Variants in PGAP2 observed in about 807,000 individuals in gnomAD.
The protein encoded by PGAP2 is post-GPI attachment to proteins 2.
A neutral mutation model predicts 33.2 loss-of-function variants in PGAP2; 21 were observed. That is an observed-to-expected ratio of 0.63 (90% confidence interval 0.45 to 0.91). The LOEUF (loss-of-function observed/expected upper bound fraction) is 0.91, where lower values mean the gene tolerates loss of function less well. Ranked by LOEUF, PGAP2 falls within the 40% of genes least tolerant of loss-of-function variation. The pLI is 0.00. For synonymous variants in PGAP2, 161 were observed against 172.9 expected (o/e 0.93, Z 0.54); for missense variants, 345 against 424.0 (o/e 0.81, Z 1.64).
At chr11:3,798,652 T>TTTTTGG (rs2082962446) in intron 1 of PGAP2, among the ~76,000 whole-genome samples, 1 of 97,562 alleles carries the variant, frequency 1.0e-5, no homozygotes, top group Admixed American at 1.1e-4. Context: ...TTTTTTTTTT[T>TTTTTGG]GAGATGGAGT....
At chr11:3,807,326 T>TA (rs1224652362), upstream of PGAP2, among the ~76,000 whole-genome samples, 2,932 of 117,572 alleles carry the variant, frequency 0.025, 136 homozygotes, top group African/African-American at 0.08. Context: ...TTTTTTTTTT[T>TA]AATGGAGTTT....
At chr11:3,814,740 TTTCCTTCTTTTCTTTCTTTCTTTC>T (rs1428912087) in intron 2 of PGAP2, among the ~76,000 whole-genome samples, 45 of 105,066 alleles carry the variant, frequency 4.3e-4, no homozygotes, top group African/African-American at 1.1e-3. Context: ...TCTTTCCTTC[TTTCCTTCTTTTCTTTCTTTCTTTC>T]TTTCTTTCTT....
At chr11:3,810,401 CT>C (rs917560674) in intron 1 of PGAP2, among the ~76,000 whole-genome samples, 2 of 152,196 alleles carry the variant, frequency 1.3e-5, no homozygotes, top group African/African-American at 4.8e-5. Context: ...ACTTTCCCTT[CT>C]GTATACTGTG....
upstream of PGAP2, chr11:3,808,442 C>T: frequency 6.6e-7 from 1 of 1,517,552 alleles, no homozygotes; most frequent in Non-Finnish European, 8.9e-7. Context: ...GAGGACACGC[C>T]AGATTGAGGA....
At chr11:3,824,428 G>T in intron 5 of PGAP2, 52 bp downstream of exon 5, 1 of 1,614,036 alleles carries the variant, frequency 6.2e-7, no homozygotes, top group Non-Finnish European at 8.5e-7. Flanking sequence ...GAAAATCAAG[G>T]ACATCTGTCC....
At chr11:3,815,522 C>G (rs1034446729) in intron 2 of PGAP2, among the ~76,000 whole-genome samples, 1 of 152,152 alleles carries the variant, frequency 6.6e-6, no homozygotes, top group East Asian at 1.9e-4. Context: ...GTTACCCAGG[C>G]TGGTCTCGAA....
chr11:3,810,687 G>A (rs757565268), intron 1 of PGAP2, among the ~76,000 whole-genome samples: 3 of 152,214 alleles, frequency 2.0e-5, no homozygotes. Context: ...CAGGGGGCTT[G>A]GGGTTCTGTC....
At chr11:3,824,963 G>A in intron 5 of PGAP2, 57 bp from the exon 6 acceptor site, 3 of 1,609,786 alleles carry the variant, frequency 1.9e-6, no homozygotes, top group Non-Finnish European at 2.5e-6. Context: ...GCTGAGAGGG[G>A]AGCCCACGCT....
In PGAP2 at chr11:3,824,077, TGTC is replaced by T; in HGVS notation, c.546_548del (p.Val183del). 5 of 1,614,186 alleles carry T rather than the reference TGTC, an allele frequency of 3.1e-6. No individual in the cohort carries two copies. Among genetic ancestry groups the T allele is most frequent in the Non-Finnish European group, 3.4e-6 (4 of 1,180,024 alleles). On this transcript the variant is annotated inframe_deletion, in exon 4 of 7. Transcript: ENST00000278243. ...TCTGCCGCCTCAACTTCGGCCTCAA[TGTC>T]GTGGAGAACCTCGCGTTGCTAGTGC...
intron 1 of PGAP2, chr11:3,797,996 C>T: frequency 6.5e-7 from 1 of 1,539,052 alleles, no homozygotes; most frequent in Non-Finnish European, 8.8e-7. Flanking sequence ...ACTATTCGAC[C>T]CTTTCCTTGC....
chr11:3,817,834 T>C lies in PGAP2; in HGVS notation c.348+299T>C, dbSNP rs1295278967. ...GGGCGAAGCCAGTGGATCACTCGAG[T>C]TCAGTTCGAGACCAGCCTGGGCAAC... On this transcript the variant is annotated intron_variant, in intron 3 of 6. Transcript: ENST00000278243. 7 of 541,462 alleles carry C rather than the reference T, an allele frequency of 1.3e-5. No individual in the cohort carries two copies. In the Admixed American group the frequency reaches 1.3e-4, roughly 10 times the overall value. The allele number at this position is 541,462 out of a possible 1,614,324, so 33.5% of individuals were successfully genotyped here.
chr11:3,815,093 G>A (rs1394900789), intron 2 of PGAP2, among the ~76,000 whole-genome samples: 3 of 149,784 alleles, frequency 2.0e-5, no homozygotes, highest in African/African-American at 5.0e-5. Flanking sequence ...ATGCACCACC[G>A]TGCCTGGCTC....
chr11:3,806,542 G>C (rs549946122), upstream of PGAP2, among the ~76,000 whole-genome samples: 2 of 152,170 alleles, frequency 1.3e-5, no homozygotes. Context: ...TAGACTGGGT[G>C]AATGAACAAA....
At chr11:3,814,792 CTTTCTTTCTTTCTTTCTTTCTCTT>C (rs1400472649) in intron 2 of PGAP2, among the ~76,000 whole-genome samples, 13 of 109,760 alleles carry the variant, frequency 1.2e-4, no homozygotes, top group South Asian at 3.2e-4. Context: ...TTCTTTCTTT[CTTTCTTTCTTTCTTTCTTTCTCTT>C]TCTTTCTTTT....
rs992542223 is a variant in PGAP2, at chr11:3,808,615, C to T, written c.-47C>T. 2.6e-5 allele frequency: 34 copies of T among 1,321,238 alleles called. No homozygotes were observed. In the African/African-American group the frequency reaches 4.9e-4, roughly 19 times the overall value. 81.8% of individuals were successfully genotyped at this position (1,321,238 alleles called of 1,614,324 possible). On this transcript the variant is annotated 5_prime_UTR_variant, in exon 1 of 7. Coordinates refer to ENST00000278243, the MANE Select transcript of PGAP2 (RefSeq NM_014489.4). ...CCCCCGACCCCGGGCCACCTGGGCC[C>T]CCGGGTTCCGCCGGCACTCTCGCCA...
rs928708599 is a variant in PGAP2 at position 3,825,572 on chromosome 11, A to C, written c.*114A>C. ...TCTTGGCCTTACTGAAGATGGGGGA[A>C]GGGTAAGAAGGAAGGGTGTAGGCCA... is the stretch of plus-strand genomic sequence containing the variant. On this transcript the variant is annotated 3_prime_UTR_variant, in exon 7 of 7. Transcript: ENST00000278243. The C allele has an allele frequency of 7.8e-6, 9 of 1,159,240 alleles. No homozygotes were observed. Among genetic ancestry groups the C allele is most frequent in the Non-Finnish European group, 9.7e-6 (8 of 820,878 alleles). 71.8% of individuals were successfully genotyped at this position (1,159,240 alleles called of 1,614,324 possible). A position where few individuals can be genotyped will look rare whatever the true frequency, so the allele number is the denominator to read the frequency against.
At chr11:3,803,201 C>T (rs1188321694) in intron 1 of PGAP2, among the ~76,000 whole-genome samples, 1 of 152,040 alleles carries the variant, frequency 6.6e-6, no homozygotes, top group African/African-American at 2.4e-5. Flanking sequence ...CCATGTTAGC[C>T]AGGCTGATCT....
chr11:3,797,862 A>C, exon 1 of PGAP2: 2 of 1,550,322 alleles, frequency 1.3e-6, no homozygotes, highest in Non-Finnish European at 1.7e-6. Flanking sequence ...ATTGGGAAGC[A>C]CCGGCGGGGT....
chr11:3,815,385 T>G (rs2086776782), intron 2 of PGAP2, among the ~76,000 whole-genome samples: 1 of 151,938 alleles, frequency 6.6e-6, no homozygotes, highest in Non-Finnish European at 1.5e-5. Context: ...CTCGGCTTAC[T>G]GCAACCTCCG....
Sources: gnomAD v4.1 joint callset for allele counts (sites outside exome capture counted in the v4.1 genomes callset) on GRCh38, gnomAD v4.1.1 for gene constraint, MANE v1.5 for transcripts, NCBI Gene and HGNC (gene_info 2026-07-23, HGNC 2026-07-21) for gene names.